Variants in PRMT8 observed in about 807,000 individuals in gnomAD.
The protein encoded by PRMT8 is protein arginine methyltransferase 8.
Under a neutral mutation model 47.1 loss-of-function variants are expected in PRMT8, and 7 were observed. The ratio of observed to expected loss-of-function variants is 0.15; its 90% CI spans 0.08 to 0.28. PRMT8 has a LOEUF of 0.28. Ranked by LOEUF, PRMT8 falls within the 10% of genes least tolerant of loss-of-function variation. The pLI, the probability that PRMT8 is intolerant of heterozygous loss-of-function variation, is 1.00. For synonymous variants in PRMT8, 188 were observed against 186.5 expected (o/e 1.01, Z -0.07); for missense variants, 237 against 505.4 (o/e 0.47, Z 5.09).
chr12:3,497,122 G>T (rs1865522546), intron 1 of PRMT8, among the ~76,000 whole-genome samples: 1 of 152,100 alleles, frequency 6.6e-6, no homozygotes. Flanking sequence ...CTTACACCTT[G>T]GAGTCTACTC....
At chr12:3,384,203 A>C (rs1466062661) in intron 1 of PRMT8, among the ~76,000 whole-genome samples, 1 of 152,058 alleles carries the variant, frequency 6.6e-6, no homozygotes, top group African/African-American at 2.4e-5. Context: ...GTGAGCTGTA[A>C]ATATTTTTGG....
chr12:3,392,845 CT>C (rs1290788904), intron 1 of PRMT8, among the ~76,000 whole-genome samples: 1 of 152,066 alleles, frequency 6.6e-6, no homozygotes, highest in African/African-American at 2.4e-5. Context: ...AAAAGTGTTC[CT>C]ATTTCTCCAC....
At chr12:3,539,423 A>G (rs1470674732) in intron 1 of PRMT8, among the ~76,000 whole-genome samples, 1 of 152,092 alleles carries the variant, frequency 6.6e-6, no homozygotes, top group Non-Finnish European at 1.5e-5. Context: ...CCTAGTATCT[A>G]TTTTTAATTT....
chr12:3,418,344 G>GT (rs910986847), intron 1 of PRMT8, among the ~76,000 whole-genome samples: 2 of 152,184 alleles, frequency 1.3e-5, no homozygotes, highest in South Asian at 4.1e-4. Flanking sequence ...TTTAGAGGCG[G>GT]TTTTTTTGCT....
In PRMT8 at chr12:3,583,290, G is replaced by A; in HGVS notation, c.979+82G>A. On this transcript the variant is annotated intron_variant, in intron 8 of 9. Coordinates refer to ENST00000382622, the MANE Select transcript of PRMT8 (RefSeq NM_019854.5). This position sits in a 1 kb window ranked among gnomAD's most constrained non-coding sequence, Gnocchi z 4.7. ...TTGTGGGGTGACCAGAGCTGGCCTT[G>A]ACTTGGGGAGAAGGGGCTGGGTGTT... 1 of 1,443,946 alleles carries A rather than the reference G, an allele frequency of 6.9e-7. No individual in the cohort carries two copies. The highest frequency in any genetic ancestry group is 9.3e-7 in the Non-Finnish European group (1 of 1,072,674). 89.4% of individuals were successfully genotyped at this position (1,443,946 alleles called of 1,614,324 possible). A position where few individuals can be genotyped will look rare whatever the true frequency, so the allele number is the denominator to read the frequency against.
chr12:3,490,320 A>G (rs1179511822), upstream of PRMT8, among the ~76,000 whole-genome samples: 1 of 152,166 alleles, frequency 6.6e-6, no homozygotes, highest in East Asian at 1.9e-4. Flanking sequence ...CCAGTAAAAC[A>G]GAGAAAAAGA....
At chr12:3,417,373 T>C (rs891027679) in intron 1 of PRMT8, among the ~76,000 whole-genome samples, 1 of 152,146 alleles carries the variant, frequency 6.6e-6, no homozygotes, top group Non-Finnish European at 1.5e-5. Flanking sequence ...AGGAATTAAT[T>C]TGTGGAAAAG....
upstream of PRMT8, among the ~76,000 whole-genome samples, chr12:3,490,533 G>C (rs1366029391): frequency 7.0e-6 from 1 of 143,510 alleles, no homozygotes; most frequent in African/African-American, 2.7e-5. Context: ...GGGGCTGCCA[G>C]GGAAGACTGG....
At chr12:3,515,209 G>T (rs1865771664) in intron 1 of PRMT8, among the ~76,000 whole-genome samples, 1 of 152,212 alleles carries the variant, frequency 6.6e-6, no homozygotes. Flanking sequence ...CTGTGGTTTT[G>T]ATTGTGGTGG....
chr12:3,548,388 G>A (rs1023253095), intron 2 of PRMT8, among the ~76,000 whole-genome samples: 2 of 152,110 alleles, frequency 1.3e-5, no homozygotes, highest in Non-Finnish European at 2.9e-5. Context: ...AAATGAAAAG[G>A]CAAATCACAG....
intron 1 of PRMT8, among the ~76,000 whole-genome samples, chr12:3,419,947 G>C (rs551756263): frequency 2.7e-5 from 4 of 147,938 alleles, no homozygotes; most frequent in African/African-American, 1.0e-4. Flanking sequence ...CAGGAATGGG[G>C]GGGTGGTTTG....
chr12:3,381,611 C>T (rs1004632088), intron 1 of PRMT8, among the ~76,000 whole-genome samples: 2 of 152,314 alleles, frequency 1.3e-5, no homozygotes, highest in Non-Finnish European at 2.9e-5. Flanking sequence ...GGCTTTGCGG[C>T]TCCACAGTCT....
At chr12:3,522,391 C>T (rs1399567199) in intron 1 of PRMT8, among the ~76,000 whole-genome samples, 8 of 152,102 alleles carry the variant, frequency 5.3e-5, no homozygotes, top group African/African-American at 1.4e-4. Context: ...TCAGGCCGGG[C>T]GCGGTGGCTC....
intron 1 of PRMT8, among the ~76,000 whole-genome samples, chr12:3,428,273 C>T (rs1262520914): frequency 1.3e-5 from 2 of 151,690 alleles, no homozygotes; most frequent in African/African-American, 4.8e-5. Flanking sequence ...ACACAATAGC[C>T]CTATACTTGA....
intron 1 of PRMT8, among the ~76,000 whole-genome samples, chr12:3,472,268 G>A (rs898996765): frequency 1.3e-5 from 2 of 152,132 alleles, no homozygotes; most frequent in Admixed American, 6.5e-5. Context: ...TTGACATTCC[G>A]GCTGGCCTCA....
At chr12:3,454,888 C>T (rs1214194186) in intron 1 of PRMT8, among the ~76,000 whole-genome samples, 1 of 152,160 alleles carries the variant, frequency 6.6e-6, no homozygotes, top group East Asian at 1.9e-4. Context: ...TTGAGATAGT[C>T]CTTCAGGTCC....
At chr12:3,420,482 C>T (rs946848912) in intron 1 of PRMT8, among the ~76,000 whole-genome samples, 1 of 152,156 alleles carries the variant, frequency 6.6e-6, no homozygotes, top group African/African-American at 2.4e-5. Context: ...TGGACTGTTT[C>T]CCACTGAGAA....
chr12:3,423,662 A>G (rs1259875530), intron 1 of PRMT8, among the ~76,000 whole-genome samples: 2 of 152,208 alleles, frequency 1.3e-5, no homozygotes, highest in Non-Finnish European at 2.9e-5. Flanking sequence ...CTATGCCCAC[A>G]TATCCAGTAT....
chr12:3,416,584 G>T lies in PRMT8; in HGVS notation c.48+35142G>T, dbSNP rs141620891. On this transcript the variant is annotated intron_variant, in intron 1 of 9. Coordinates refer to the PRMT8 transcript ENST00000452611. ...TGTGTGAGAGGCTGGGGCACATCCA[G>T]AAGGAGCTGACAGAGGATTTTGAAG... 1.1e-3 allele frequency among the ~76,000 whole-genome samples: 170 copies of T among 152,344 alleles called. 1 individual carries two copies. The highest frequency in any genetic ancestry group is 3.9e-3 in the African/African-American group (164 of 41,580).
Sources: allele counts gnomAD v4.1 joint callset (sites outside exome capture counted in the v4.1 genomes callset), GRCh38; gene constraint gnomAD v4.1.1; non-coding constraint Gnocchi (gnomAD v3.1); transcripts MANE v1.5; gene names NCBI Gene and HGNC (gene_info 2026-07-23, HGNC 2026-07-21).